Variants in PBX1 observed in about 807,000 individuals in gnomAD.
PBX1 encodes PBX homeobox 1.
A neutral mutation model predicts 53.4 loss-of-function variants in PBX1; 6 were observed. The ratio of observed to expected loss-of-function variants is 0.11; its 90% confidence interval spans 0.06 to 0.22. PBX1 has a LOEUF of 0.22. PBX1 is among the 10% of genes least tolerant of loss of function. The pLI is 1.00. For missense variants in PBX1, 251 were observed against 551.4 expected (o/e 0.46, Z 5.46); for synonymous variants, 204 against 212.3 (o/e 0.96, Z 0.34).
chr1:164,712,104 G>A (rs939236845), intron 2 of PBX1, among the ~76,000 whole-genome samples: 2 of 150,758 alleles, frequency 1.3e-5, no homozygotes, highest in African/African-American at 4.9e-5. Context: ...ATCTGGGGGA[G>A]GGGCCACTTC....
intron 6 of PBX1, among the ~76,000 whole-genome samples, chr1:164,812,497 G>A (rs548213003): frequency 1.3e-5 from 2 of 152,278 alleles, no homozygotes; most frequent in South Asian, 4.1e-4. Flanking sequence ...TTGGGATTCT[G>A]TCATTTGGCC....
intron 3 of PBX1, among the ~76,000 whole-genome samples, chr1:164,799,340 A>G (rs1668945376): frequency 6.6e-6 from 1 of 152,010 alleles, no homozygotes; most frequent in Non-Finnish European, 1.5e-5. Flanking sequence ...ATTACAAAAA[A>G]ATTAGCTGGG....
At chr1:164,726,596 G>A (rs1232415220) in intron 2 of PBX1, among the ~76,000 whole-genome samples, 2 of 152,168 alleles carry the variant, frequency 1.3e-5, no homozygotes, top group Non-Finnish European at 2.9e-5. Context: ...TTACCACATT[G>A]AATTAGCACT....
At chr1:164,647,915 T>C (rs1364271201) in intron 2 of PBX1, among the ~76,000 whole-genome samples, 1 of 151,516 alleles carries the variant, frequency 6.6e-6, no homozygotes, top group East Asian at 2.0e-4. Context: ...CCCGGGTTCA[T>C]GCCATTCTCC....
intron 2 of PBX1, among the ~76,000 whole-genome samples, chr1:164,595,275 A>T (rs775277995): frequency 3.9e-5 from 6 of 152,192 alleles, no homozygotes; most frequent in Non-Finnish European, 8.8e-5. Flanking sequence ...GGACTTGGGC[A>T]TGATTCTCCC....
At chr1:164,718,950 GA>G (rs1243546838) in intron 2 of PBX1, among the ~76,000 whole-genome samples, 1 of 152,102 alleles carries the variant, frequency 6.6e-6, no homozygotes, top group Non-Finnish European at 1.5e-5. Flanking sequence ...CCTCCAAGTT[GA>G]ATCACACTCA....
At chr1:164,704,772 C>G (rs1390254345) in intron 2 of PBX1, among the ~76,000 whole-genome samples, 1 of 152,152 alleles carries the variant, frequency 6.6e-6, no homozygotes, top group Non-Finnish European at 1.5e-5. Context: ...TGAAGGATGT[C>G]TCAGGTAGAT....
chr1:164,642,530 C>T (rs1037131224), intron 2 of PBX1, among the ~76,000 whole-genome samples: 1 of 152,128 alleles, frequency 6.6e-6, no homozygotes, highest in African/African-American at 2.4e-5. Context: ...TCCTAAGGTC[C>T]TGAGGCCTAG....
intron 2 of PBX1, among the ~76,000 whole-genome samples, chr1:164,776,976 A>AGAGAGGGG (rs1667698282): frequency 3.0e-5 from 2 of 66,108 alleles, no homozygotes; most frequent in Non-Finnish European, 5.0e-5. Flanking sequence ...AGAGAGAGAG[A>AGAGAGGGG]GAGGAGGTGT....
chr1:164,671,535 T>A (rs1298891443), intron 2 of PBX1, among the ~76,000 whole-genome samples: 1 of 152,204 alleles, frequency 6.6e-6, no homozygotes, highest in African/African-American at 2.4e-5. Flanking sequence ...TTTCCCTTGC[T>A]GTTTTACCGC....
In PBX1 at chr1:164,848,662, C is replaced by T. The variant is rs952595637; in HGVS notation, c.*1986C>T. The T allele has an allele frequency of 9.5e-6, 10 of 1,055,962 alleles. No individual in the cohort carries two copies. The African/African-American group carries it at 9.9e-5, about 10-fold the overall frequency. 65.4% of individuals were successfully genotyped at this position (1,055,962 alleles called of 1,614,324 possible). On this transcript the variant is annotated 3_prime_UTR_variant, in exon 9 of 9. Coordinates refer to ENST00000420696, the MANE Select transcript of PBX1 (RefSeq NM_002585.4). ...AACTAGAAAAACAGGCCCTGGTTCC[C>T]TTAGTTTGCACTTGAACCCAATATG... is the stretch of plus-strand genomic sequence containing the variant.
chr1:164,678,485 A>C (rs1462078338), intron 2 of PBX1, among the ~76,000 whole-genome samples: 1 of 152,164 alleles, frequency 6.6e-6, no homozygotes, highest in East Asian at 1.9e-4. Flanking sequence ...TGCATTTTTG[A>C]TGAGCAGAGC....
At chr1:164,684,150 T>C (rs1661956926) in intron 2 of PBX1, 1 of 152,210 alleles carries the variant, frequency 6.6e-6, no homozygotes, top group African/African-American at 2.4e-5. Flanking sequence ...TTCCTGTTTA[T>C]GTACAGAATA....
chr1:164,712,072 G>T (rs1239316615), intron 2 of PBX1, among the ~76,000 whole-genome samples: 1 of 150,032 alleles, frequency 6.7e-6, no homozygotes, highest in Admixed American at 6.7e-5. Context: ...GCAGGGAAGG[G>T]TCATGGTTGG....
rs60518864 is a variant in PBX1, at chr1:164,773,243, GCA to G, written c.266-19222_266-19221del. ...CAGCTCTTGCATATAGGTAACACGC[GCA>G]CACACACACACACACACACACACAC... On this transcript the variant is annotated intron_variant, in intron 2 of 8. Transcript: ENST00000420696. 8.1e-3 allele frequency among the ~76,000 whole-genome samples: 1,200 copies of G among 147,692 alleles called. 8 individuals are homozygous for G. Among genetic ancestry groups the G allele is most frequent in the Non-Finnish European group, 0.011 (736 of 67,066 alleles).
At chr1:164,871,867 G>GGATTTTT (rs771457169) in intron 2 of PBX1, among the ~76,000 whole-genome samples, 121,506 of 152,024 alleles carry the variant, frequency 0.8, 49,298 homozygotes, top group Middle Eastern at 0.93. Flanking sequence ...CATAGCACAT[G>GGATTTTT]TTTAAACAAA....
At chr1:164,817,992 A>T (rs944092158) in intron 6 of PBX1, 3 of 152,228 alleles carry the variant, frequency 2.0e-5, no homozygotes, top group African/African-American at 7.2e-5. Flanking sequence ...CCTGAAACTG[A>T]ACACTCTGGG....
At chr1:164,663,274 C>G (rs1440145852) in intron 2 of PBX1, among the ~76,000 whole-genome samples, 1 of 151,352 alleles carries the variant, frequency 6.6e-6, no homozygotes, top group Admixed American at 6.6e-5. Flanking sequence ...GCCTGCCTGC[C>G]TGCCTGCCTT....
At chr1:164,712,177 TA>T (rs35903765) in intron 2 of PBX1, among the ~76,000 whole-genome samples, 259 of 128,990 alleles carry the variant, frequency 2.0e-3, no homozygotes, top group African/African-American at 3.7e-3. Flanking sequence ...AAGAAGAGAT[TA>T]AAAAAAAAAA....
Sources: allele counts gnomAD v4.1 joint callset (sites outside exome capture counted in the v4.1 genomes callset), GRCh38; gene constraint gnomAD v4.1.1; transcripts MANE v1.5; gene names NCBI Gene and HGNC (gene_info 2026-07-23, HGNC 2026-07-21).